SYT14: variants seen among roughly 807,000 people sequenced by gnomAD.
The protein encoded by SYT14 is synaptotagmin-14.
A neutral mutation model predicts 74.2 loss-of-function variants in SYT14; 32 were observed. That is an observed-to-expected ratio of 0.43 (90% CI 0.33 to 0.58). SYT14 has a LOEUF of 0.58. Ranked by LOEUF, SYT14 falls within the 20% of genes least tolerant of loss-of-function variation. The pLI is 0.05. For synonymous variants in SYT14, 298 were observed against 337.7 expected (o/e 0.88, Z 1.29); for missense variants, 791 against 981.8 (o/e 0.81, Z 2.60).
At chr1:209,996,595 T>C (rs1210174429) in intron 2 of SYT14, among the ~76,000 whole-genome samples, 2 of 152,030 alleles carry the variant, frequency 1.3e-5, no homozygotes, top group Non-Finnish European at 2.9e-5. Flanking sequence ...GACTCCTCCC[T>C]AACTCATTCT....
intron 5 of SYT14, among the ~76,000 whole-genome samples, chr1:210,045,199 A>G (rs1392004464): frequency 6.6e-6 from 1 of 152,212 alleles, no homozygotes; most frequent in Non-Finnish European, 1.5e-5. Context: ...AAATTAATTC[A>G]TCAGTGTAAG....
At chr1:210,071,426 C>T (rs2081392700) in intron 5 of SYT14, among the ~76,000 whole-genome samples, 3 of 151,874 alleles carry the variant, frequency 2.0e-5, no homozygotes. Flanking sequence ...AAAGGACTTG[C>T]CTAGCCACAT....
At chr1:210,160,662 C>T in intron 9 of SYT14, 67 bp from the exon 9 acceptor site, 1 of 1,350,482 alleles carries the variant, frequency 7.4e-7, no homozygotes, top group South Asian at 1.2e-5. Flanking sequence ...ATTTTCTTAG[C>T]CTATAAAAAA....
rs191378109 is a variant in SYT14 at position 209,978,933 on chromosome 1, G to A, written c.-486+26177G>A. Among the ~76,000 whole-genome samples the A allele has an allele frequency of 3.7e-3, 570 of 152,212 alleles. 7 individuals are homozygous for A. Among genetic ancestry groups the A allele is most frequent in the African/African-American group, 0.013 (546 of 41,558 alleles). On this transcript the variant is annotated intron_variant, in intron 2 of 9. Transcript: ENST00000637265. ...GCGCCCCTCCCCCAGCCTCGCTGCC[G>A]CCTTACAGTTTGATCTCAGACTGCT...
At chr1:210,120,305 A>G (rs1572336854) in intron 7 of SYT14, among the ~76,000 whole-genome samples, 1 of 151,690 alleles carries the variant, frequency 6.6e-6, no homozygotes, top group East Asian at 1.9e-4. Context: ...CACATAATTG[A>G]TGGTGATCCC....
intron 5 of SYT14, among the ~76,000 whole-genome samples, chr1:210,082,302 T>C (rs1234333532): frequency 6.6e-6 from 1 of 152,154 alleles, no homozygotes; most frequent in African/African-American, 2.4e-5. Flanking sequence ...AGCCAAACCA[T>C]TGGCAGCTAG....
intron 2 of SYT14, among the ~76,000 whole-genome samples, chr1:209,963,354 A>C (rs1272476087): frequency 6.6e-6 from 1 of 152,154 alleles, no homozygotes; most frequent in Non-Finnish European, 1.5e-5. Flanking sequence ...CCCATTGCCA[A>C]TTTAGTTTAG....
chr1:210,077,766 A>G (rs2081532838), intron 5 of SYT14, among the ~76,000 whole-genome samples: 1 of 152,162 alleles, frequency 6.6e-6, no homozygotes, highest in African/African-American at 2.4e-5. Flanking sequence ...CTATATTCTT[A>G]TCATAGATAT....
In SYT14 at chr1:209,948,499, A is replaced by G. The variant is rs753914482; in HGVS notation, c.-533-4210A>G. Among the ~76,000 whole-genome samples the G allele has an allele frequency of 3.3e-5, 5 of 152,280 alleles. No individual in the cohort carries two copies. The East Asian group carries it at 7.7e-4, about 23-fold the overall frequency. On this transcript the variant is annotated intron_variant, in intron 1 of 9. Coordinates refer to ENST00000637265, the Ensembl canonical transcript of SYT14. ...ACTTTGACTAAGCTTGTCACTTTCT[A>G]TCTGTTTCTCCTTTCCATGTTGCTG...
chr1:210,059,451 T>TATATAGAGAGAGAGAG (rs377050610), intron 5 of SYT14, among the ~76,000 whole-genome samples: 72 of 69,898 alleles, frequency 1.0e-3, no homozygotes, highest in African/African-American at 2.9e-3. Flanking sequence ...TATATATATA[T>TATATAGAGAGAGAGAG]AGAGAGAGAG....
In SYT14 at chr1:210,060,770, G is replaced by A. The variant is rs539136755; in HGVS notation, c.1313-33552G>A. Among the ~76,000 whole-genome samples the A allele has an allele frequency of 3.3e-5, 5 of 152,136 alleles. No individual in the cohort carries two copies. The South Asian group carries it at 1.0e-3, about 32-fold the overall frequency. On this transcript the variant is annotated intron_variant, in intron 5 of 9. Transcript: ENST00000637265. ...GGGCAATTTTCCATTTGCTGTTGCT[G>A]TTATGATGTTAAATTTCTATGCATC... is the stretch of plus-strand genomic sequence containing the variant.
At chr1:210,101,086 C>T (rs1418844123) in intron 7 of SYT14, among the ~76,000 whole-genome samples, 3 of 152,128 alleles carry the variant, frequency 2.0e-5, no homozygotes, top group Non-Finnish European at 2.9e-5. Flanking sequence ...ATGATAATCA[C>T]ATATAAATCT....
chr1:210,102,335 T>A (rs2082083132), intron 7 of SYT14, among the ~76,000 whole-genome samples: 1 of 152,198 alleles, frequency 6.6e-6, no homozygotes, highest in South Asian at 2.1e-4. Flanking sequence ...ACTATCCATC[T>A]TCTGCCCTTT....
At position 210,133,871 on chromosome 1, in the gene SYT14, A is replaced by T. The variant is rs1162265945; in HGVS notation, c.2035-21850A>T. 2.0e-5 allele frequency among the ~76,000 whole-genome samples: 3 copies of T among 147,364 alleles called. No individual in the cohort carries two copies. The East Asian group carries it at 6.0e-4, about 29-fold the overall frequency. On this transcript the variant is annotated intron_variant, in intron 7 of 9. Transcript: ENST00000637265. Reference sequence around the variant, plus strand: ...TTTTTTTTTTTGGAGAGCTTATTCAAGTGTAAAGTGTGGGGATGGACCACT... The same window carrying T: ...TTTTTTTTTTTGGAGAGCTTATTCATGTGTAAAGTGTGGGGATGGACCACT...
chr1:210,052,652 A>C (rs1572218441), intron 5 of SYT14, among the ~76,000 whole-genome samples: 1 of 137,114 alleles, frequency 7.3e-6, no homozygotes, highest in African/African-American at 3.2e-5. Context: ...GCAAGAGCGA[A>C]ACTACATCTC....
rs1418024822 is a variant in SYT14, at chr1:210,100,070, A to C, written c.1643A>C (p.Glu548Ala). 2.5e-6 allele frequency: 4 copies of C among 1,614,128 alleles called. 1 individual carries two copies. The South Asian group carries it at 4.4e-5, about 18-fold the overall frequency. ...CCTAAACCTTTTGATCCTGAGCCAGAAGCTAAATATGGCACACTGGATGTG... is the reference window on the plus strand; with the variant it reads ...CCTAAACCTTTTGATCCTGAGCCAGCAGCTAAATATGGCACACTGGATGTG... The change falls in exon 7 of 10, where the codon GAA (glutamate) becomes GCA (alanine). Residue 548 changes from glutamate (E) to alanine (A), a missense_variant. Coordinates refer to ENST00000637265, the Ensembl canonical transcript of SYT14.
At chr1:209,958,600 A>G (rs942495942) in intron 2 of SYT14, among the ~76,000 whole-genome samples, 10 of 152,070 alleles carry the variant, frequency 6.6e-5, no homozygotes, top group African/African-American at 2.4e-4. Context: ...ATTTTTTTAG[A>G]TTTATGTTTA....
At chr1:210,154,306 A>G (rs1229106381) in intron 7 of SYT14, among the ~76,000 whole-genome samples, 4 of 152,148 alleles carry the variant, frequency 2.6e-5, no homozygotes, top group Non-Finnish European at 5.9e-5. Flanking sequence ...TGGGCGCCGC[A>G]CAGCAGGAGG....
chr1:210,071,583 G>T (rs1279505718), intron 5 of SYT14, among the ~76,000 whole-genome samples: 1 of 151,904 alleles, frequency 6.6e-6, no homozygotes, highest in African/African-American at 2.4e-5. Flanking sequence ...TTTTTAAAAG[G>T]ATAAGTCACA....
Sources: gnomAD v4.1 joint callset for allele counts (sites outside exome capture counted in the v4.1 genomes callset) on GRCh38, gnomAD v4.1.1 for gene constraint, MANE v1.5 for transcripts, NCBI Gene and HGNC (gene_info 2026-07-23, HGNC 2026-07-21) for gene names.